Variants in VPS26A observed in about 807,000 individuals in gnomAD.
VPS26A encodes vacuolar protein sorting-associated protein 26A.
A neutral mutation model predicts 42.4 loss-of-function variants in VPS26A; 22 were observed. That is an observed-to-expected ratio of 0.52 (90% CI 0.37 to 0.74). The LOEUF is 0.74. Among genes scored for constraint, VPS26A ranks in the 30% least tolerant of loss-of-function variants. The pLI is 0.00. For synonymous variants in VPS26A, 110 were observed against 123.5 expected (o/e 0.89, Z 0.73); for missense variants, 276 against 379.2 (o/e 0.73, Z 2.26).
At chr10:69,148,659 TTAAA>T (rs1203476206) in intron 2 of VPS26A, among the ~76,000 whole-genome samples, 23 of 152,234 alleles carry the variant, frequency 1.5e-4, no homozygotes, top group African/African-American at 5.3e-4. Flanking sequence ...ATGTAACTCC[TTAAA>T]TAAATTCTGA....
At chr10:69,149,726 T>TG (rs1444844957) in intron 2 of VPS26A, among the ~76,000 whole-genome samples, 9 of 30,478 alleles carry the variant, frequency 3.0e-4, no homozygotes, top group South Asian at 1.2e-3. Flanking sequence ...ACTTTCTTGG[T>TG]GTTTTTTGTT....
At chr10:69,129,376 C>T (rs1189892641) in intron 1 of VPS26A, among the ~76,000 whole-genome samples, 2 of 152,004 alleles carry the variant, frequency 1.3e-5, no homozygotes, top group African/African-American at 2.4e-5. Flanking sequence ...ACTTGGAGTA[C>T]GAAAGCCACC....
At chr10:69,163,078 A>G (rs1841596834) in intron 6 of VPS26A, among the ~76,000 whole-genome samples, 1 of 152,248 alleles carries the variant, frequency 6.6e-6, no homozygotes, top group South Asian at 2.1e-4. Context: ...TGCATCTTAG[A>G]GAACTTTCCA....
chr10:69,126,431 G>A (rs1263864953), intron 1 of VPS26A, among the ~76,000 whole-genome samples: 1 of 152,092 alleles, frequency 6.6e-6, no homozygotes, highest in Non-Finnish European at 1.5e-5. Context: ...AAAATTAGGT[G>A]TGGCGCACAC....
In VPS26A at chr10:69,174,268, C is replaced by A. The variant is rs942048313; in HGVS notation, c.*2999C>A. On this transcript the variant is annotated 3_prime_UTR_variant, in exon 9 of 9. Transcript: ENST00000263559. ...CTGGAAGGAACCAACTCTGGACACACCTTGAGTACACGAATTTGAAATTAC... is the reference window on the plus strand; with the variant it reads ...CTGGAAGGAACCAACTCTGGACACAACTTGAGTACACGAATTTGAAATTAC... Among the ~76,000 whole-genome samples, 3 of 152,174 alleles carry A rather than the reference C, an allele frequency of 2.0e-5. No individual in the cohort carries two copies. The highest frequency in any genetic ancestry group is 7.2e-5 in the African/African-American group (3 of 41,444).
At chr10:69,161,128 T>G (rs1287210487) in intron 5 of VPS26A, among the ~76,000 whole-genome samples, 1 of 152,148 alleles carries the variant, frequency 6.6e-6, no homozygotes, top group Non-Finnish European at 1.5e-5. Flanking sequence ...GGCACAATCA[T>G]GAGTCACTGC....
At chr10:69,154,891 G>A (rs927436608) in intron 2 of VPS26A, among the ~76,000 whole-genome samples, 1 of 152,126 alleles carries the variant, frequency 6.6e-6, no homozygotes, top group South Asian at 2.1e-4. Flanking sequence ...GTGCGCGCAC[G>A]CGCACGTGCG....
At chr10:69,152,374 AAC>A (rs1165271384) in intron 2 of VPS26A, among the ~76,000 whole-genome samples, 2 of 152,230 alleles carry the variant, frequency 1.3e-5, no homozygotes, top group African/African-American at 4.8e-5. Flanking sequence ...TTATTCACGT[AAC>A]ACATCATGCA....
rs1841745907 is a variant in VPS26A, at chr10:69,168,624, A to G, written c.863A>G (p.Lys288Arg). 6.2e-7 allele frequency: 1 copy of G among 1,613,414 alleles called. No individual in the cohort carries two copies. Among genetic ancestry groups the G allele is most frequent in the Non-Finnish European group, 8.5e-7 (1 of 1,179,680 alleles). Residue 288 changes from lysine (K) to arginine (R), a missense_variant, in exon 8 of 9, where the codon AAA becomes AGA. By Grantham distance (26) the Lys-to-Arg change is conservative. Transcript: ENST00000263559. ...GATGAGGAAGACCGGAGGTACTTCA[A>G]ACAGCAGGTATGGTGCCACTTGGGC... Reference protein sequence around the residue: ...LVDEEDRRYFKQQEIILWRKA... With the variant: ...LVDEEDRRYFRQQEIILWRKA...
At chr10:69,149,774 T>G (rs1841257568) in intron 2 of VPS26A, among the ~76,000 whole-genome samples, 2 of 124,106 alleles carry the variant, frequency 1.6e-5, no homozygotes, top group African/African-American at 6.2e-5. Context: ...TGAGATGGAG[T>G]CTTCGTCTGT....
chr10:69,136,473 G>T (rs1244906256), intron 2 of VPS26A, among the ~76,000 whole-genome samples: 1 of 151,840 alleles, frequency 6.6e-6, no homozygotes, highest in African/African-American at 2.4e-5. Flanking sequence ...ATTTCACCAT[G>T]TTGGGTCAGG....
rs138849868 is a variant in VPS26A, at chr10:69,169,081, G to T, written c.870+450G>T. ...TTTTTTGTAGAGACAGAGTCTCACTGTGTTGCCCGGGCTGGTCTTGAACTC... is the reference window on the plus strand; with the variant it reads ...TTTTTTGTAGAGACAGAGTCTCACTTTGTTGCCCGGGCTGGTCTTGAACTC... On this transcript the variant is annotated intron_variant, in intron 8 of 8. Transcript: ENST00000263559. Among the ~76,000 whole-genome samples the T allele has an allele frequency of 7.3e-3, 1,053 of 143,492 alleles. 11 individuals are homozygous for T. The highest frequency in any genetic ancestry group is 0.026 in the African/African-American group (997 of 38,704). The allele number at this position is 143,492 out of a possible 152,430, so 94.1% of individuals were successfully genotyped here.
At chr10:69,140,035 A>G (rs2132199965) in intron 2 of VPS26A, among the ~76,000 whole-genome samples, 1 of 149,168 alleles carries the variant, frequency 6.7e-6, no homozygotes, top group Non-Finnish European at 1.5e-5. Flanking sequence ...TGATATATTT[A>G]TGTTGCTAAT....
At chr10:69,132,176 C>G (rs985386355) in intron 1 of VPS26A, among the ~76,000 whole-genome samples, 1 of 152,078 alleles carries the variant, frequency 6.6e-6, no homozygotes, top group Admixed American at 6.6e-5. Flanking sequence ...TGTGTAAATT[C>G]TGCTATAATA....
intron 2 of VPS26A, among the ~76,000 whole-genome samples, chr10:69,154,350 A>G (rs777024153): frequency 1.8e-4 from 28 of 152,052 alleles, no homozygotes; most frequent in Non-Finnish European, 3.4e-4. Flanking sequence ...CAGCCTGAGC[A>G]ACATAATGAA....
intron 1 of VPS26A, among the ~76,000 whole-genome samples, chr10:69,126,678 T>C (rs935484316): frequency 2.0e-5 from 3 of 152,182 alleles, no homozygotes; most frequent in African/African-American, 7.2e-5. Context: ...TTGACAGTTG[T>C]GTATTTTACT....
chr10:69,126,313 C>T (rs1281604871), intron 1 of VPS26A, among the ~76,000 whole-genome samples: 2 of 151,006 alleles, frequency 1.3e-5, no homozygotes, highest in African/African-American at 4.9e-5. Context: ...AATACAAAAA[C>T]AAAAAAAAAT....
At chr10:69,135,400 A>G (rs1473775390) in intron 2 of VPS26A, among the ~76,000 whole-genome samples, 1 of 152,208 alleles carries the variant, frequency 6.6e-6, no homozygotes, top group Non-Finnish European at 1.5e-5. Context: ...TTTAAAGTAA[A>G]AGTAAAGCTA....
chr10:69,167,178 C>T (rs1841707186), intron 7 of VPS26A, among the ~76,000 whole-genome samples: 1 of 150,888 alleles, frequency 6.6e-6, no homozygotes, highest in African/African-American at 2.4e-5. Flanking sequence ...GCCTGTAATC[C>T]CACCATTTTG....
Sources: gnomAD v4.1 joint callset for allele counts (sites outside exome capture counted in the v4.1 genomes callset) on GRCh38, gnomAD v4.1.1 for gene constraint, MANE v1.5 for transcripts, NCBI Gene and HGNC (gene_info 2026-07-23, HGNC 2026-07-21) for gene names.